Variants in SPOCK1 observed in about 807,000 individuals in gnomAD.
SPOCK1 encodes SPARC (osteonectin), cwcv and kazal like domains proteoglycan 1, also known as testican-1.
Under a neutral mutation model 55.3 loss-of-function variants are expected in SPOCK1, and 23 were observed. The observed-to-expected ratio is 0.42, with a 90% CI of 0.30 to 0.59. The LOEUF is 0.59. SPOCK1 is among the 20% of genes least tolerant of loss of function. The pLI is 0.22. For missense variants in SPOCK1, 499 were observed against 552.5 expected, an observed-to-expected ratio of 0.90 and a Z score of 0.97; for synonymous variants, 226 against 221.0, an observed-to-expected ratio of 1.02 and a Z score of -0.20.
chr5:137,153,853 G>A (rs1754363076), intron 3 of SPOCK1, among the ~76,000 whole-genome samples: 1 of 148,262 alleles, frequency 6.7e-6, no homozygotes, highest in Admixed American at 6.7e-5. Flanking sequence ...GCAAGATTCT[G>A]TCTCAAAAAA....
intron 2 of SPOCK1, among the ~76,000 whole-genome samples, chr5:137,357,389 C>T (rs1337351124): frequency 6.6e-6 from 1 of 152,082 alleles, no homozygotes; most frequent in African/African-American, 2.4e-5. Context: ...ACAAATTAGC[C>T]CTGATGCACA....
At chr5:137,002,496 AT>A (rs1434447215) in intron 6 of SPOCK1, among the ~76,000 whole-genome samples, 1 of 150,884 alleles carries the variant, frequency 6.6e-6, no homozygotes, top group Non-Finnish European at 1.5e-5. Context: ...AAAAAAAAAA[AT>A]TATTGGATAT....
At chr5:137,481,961 G>A (rs138648332) in intron 2 of SPOCK1, among the ~76,000 whole-genome samples, 1 of 151,926 alleles carries the variant, frequency 6.6e-6, no homozygotes, top group East Asian at 1.9e-4. Context: ...AAAGGGAAAG[G>A]GGCCTTTCAG....
intron 6 of SPOCK1, among the ~76,000 whole-genome samples, chr5:137,010,168 C>T (rs990606869): frequency 2.0e-5 from 3 of 152,080 alleles, no homozygotes; most frequent in African/African-American, 7.2e-5. Context: ...AAGAATTCTG[C>T]AGTAGTCACA....
intron 5 of SPOCK1, among the ~76,000 whole-genome samples, chr5:137,110,231 C>T: frequency 6.6e-6 from 1 of 152,120 alleles, no homozygotes; most frequent in East Asian, 1.9e-4. Flanking sequence ...TGGAAATTGA[C>T]TTTGGGGTAG....
intron 4 of SPOCK1, among the ~76,000 whole-genome samples, chr5:137,136,482 A>G (rs1352984510): frequency 6.6e-6 from 1 of 152,210 alleles, no homozygotes. Context: ...AGAAATTTTT[A>G]TATGCAATAT....
At chr5:137,279,908 T>G (rs1212266180) in intron 2 of SPOCK1, among the ~76,000 whole-genome samples, 1 of 152,232 alleles carries the variant, frequency 6.6e-6, no homozygotes, top group Non-Finnish European at 1.5e-5. Flanking sequence ...CTGCCTGCCC[T>G]CTTTCCCTCC....
intron 2 of SPOCK1, among the ~76,000 whole-genome samples, chr5:137,470,801 G>A (rs541225872): frequency 3.4e-4 from 51 of 152,190 alleles, no homozygotes; most frequent in African/African-American, 1.2e-3. Context: ...GTACTAAAAG[G>A]GAGAATCTGT....
chr5:137,029,974 C>A (rs1751746432), intron 6 of SPOCK1, among the ~76,000 whole-genome samples: 1 of 152,210 alleles, frequency 6.6e-6, no homozygotes, highest in South Asian at 2.1e-4. Flanking sequence ...CCTTAGAAAT[C>A]ATGTGGGCTG....
intron 2 of SPOCK1, among the ~76,000 whole-genome samples, chr5:137,269,151 C>T (rs1756913106): frequency 6.6e-6 from 1 of 152,194 alleles, no homozygotes; most frequent in African/African-American, 2.4e-5. Flanking sequence ...TAGCTATCTG[C>T]ATTAGAATAT....
rs116728857 is a variant in SPOCK1 at position 137,256,979 on chromosome 5, G to A, written c.232+10031C>T. 3.0e-3 allele frequency among the ~76,000 whole-genome samples: 454 copies of A among 152,238 alleles called. 1 individual carries two copies. The highest frequency in any genetic ancestry group is 0.01 in the African/African-American group (430 of 41,544). On this transcript the variant is annotated intron_variant, in intron 3 of 10. Coordinates refer to ENST00000394945, the MANE Select transcript of SPOCK1 (RefSeq NM_004598.4). ...ATTTCCAGCTGCTTTTGAGCAATCCGTAGTCCTTACAATGCTGACCCAAGC... is the reference window on the plus strand; with the variant it reads ...ATTTCCAGCTGCTTTTGAGCAATCCATAGTCCTTACAATGCTGACCCAAGC...
intron 2 of SPOCK1, among the ~76,000 whole-genome samples, chr5:137,451,461 T>A (rs1344609585): frequency 6.6e-6 from 1 of 152,214 alleles, no homozygotes; most frequent in Non-Finnish European, 1.5e-5. Context: ...TCTTCTTTTT[T>A]TAGTGACAAT....
chr5:137,195,633 T>C (rs1030197068), intron 3 of SPOCK1, among the ~76,000 whole-genome samples: 2 of 152,176 alleles, frequency 1.3e-5, no homozygotes, highest in Admixed American at 6.5e-5. Context: ...CTGCTGCCAA[T>C]GTGCATGGCA....
intron 5 of SPOCK1, among the ~76,000 whole-genome samples, chr5:137,091,214 A>G (rs1215313831): frequency 2.0e-5 from 3 of 152,194 alleles, no homozygotes; most frequent in Non-Finnish European, 4.4e-5. Context: ...CCCAAGGACT[A>G]TCTCTTCCCT....
rs1043246892 is a variant in SPOCK1 at position 137,121,491 on chromosome 5, T to G, written c.348-8930A>C. Among the ~76,000 whole-genome samples the G allele has an allele frequency of 1.9e-4, 28 of 151,290 alleles. No individual in the cohort carries two copies. The East Asian group carries it at 5.2e-3, about 28-fold the overall frequency. On this transcript the variant is annotated intron_variant, in intron 4 of 10. Coordinates refer to ENST00000394945, the MANE Select transcript of SPOCK1 (RefSeq NM_004598.4). ...AGATCACAATCCATATCTCTGGTGA[T>G]TCACACACTTTGGAACATTACTTGA...
At chr5:137,356,798 A>AAT (rs1191051173) in intron 2 of SPOCK1, among the ~76,000 whole-genome samples, 180 of 13,708 alleles carry the variant, frequency 0.013, 8 homozygotes, top group Non-Finnish European at 0.015. Flanking sequence ...CAAAAAAAAT[A>AAT]ATATATATAT....
intron 3 of SPOCK1, among the ~76,000 whole-genome samples, chr5:137,198,796 A>G (rs1026595317): frequency 6.6e-6 from 1 of 152,154 alleles, no homozygotes; most frequent in Non-Finnish European, 1.5e-5. Context: ...TATTGTCTTT[A>G]TGGTTAGATG....
intron 6 of SPOCK1, among the ~76,000 whole-genome samples, chr5:137,031,135 G>A (rs558765404): frequency 2.4e-4 from 37 of 152,136 alleles, no homozygotes; most frequent in East Asian, 5.8e-4. Flanking sequence ...TCAAATTTGC[G>A]TGGGACTCTG....
At chr5:137,178,854 C>A (rs549139826) in intron 3 of SPOCK1, among the ~76,000 whole-genome samples, 1 of 152,304 alleles carries the variant, frequency 6.6e-6, no homozygotes, top group South Asian at 2.1e-4. Flanking sequence ...CCGTGTAAAC[C>A]ACTATATCCC....
Sources: allele counts gnomAD v4.1 joint callset (sites outside exome capture counted in the v4.1 genomes callset), GRCh38; gene constraint gnomAD v4.1.1; transcripts MANE v1.5; gene names NCBI Gene and HGNC (gene_info 2026-07-23, HGNC 2026-07-21).